Variants in CYTH2 observed in about 807,000 individuals in gnomAD.
CYTH2 encodes cytohesin 2.
Under a neutral mutation model 55.4 loss-of-function variants are expected in CYTH2, and 24 were observed. The ratio of observed to expected loss-of-function variants is 0.43; its 90% CI spans 0.31 to 0.61. CYTH2 has a LOEUF of 0.61. CYTH2 is among the 20% of genes least tolerant of loss of function. CYTH2 has a pLI of 0.08. For synonymous variants in CYTH2, 221 were observed against 209.6 expected (o/e 1.05, Z -0.47); for missense variants, 378 against 533.5 (o/e 0.71, Z 2.87).
Position 48,478,457 on chromosome 19 carries a change from T to A in CYTH2, c.977T>A (p.Ile326Asn), listed in dbSNP as rs777942701. The A allele has an allele frequency of 1.9e-6, 3 of 1,613,934 alleles. No individual in the cohort carries two copies. Among genetic ancestry groups the A allele is most frequent in the Non-Finnish European group, 8.5e-7 (1 of 1,179,960 alleles). ...PRKPNCFELYIPNNKGQLIKA... is the reference protein window; with the variant it reads ...PRKPNCFELYNPNNKGQLIKA... ...CCCCAGAACTGCTTTGAACTTTACATCCCCAACAACAAGGGGCAGCTCATC... is the reference window on the plus strand; with the variant it reads ...CCCCAGAACTGCTTTGAACTTTACAACCCCAACAACAAGGGGCAGCTCATC... The change falls in exon 11 of 12, where the codon ATC becomes AAC. Residue 326 changes from isoleucine to asparagine, a missense_variant. Coordinates refer to ENST00000452733, the MANE Select transcript of CYTH2 (RefSeq NM_004228.7).
At chr19:48,473,123 T>C in intron 4 of CYTH2, 175 bp from the exon 5 acceptor site, 1 of 651,298 alleles carries the variant, frequency 1.5e-6, no homozygotes, top group South Asian at 1.8e-5. Flanking sequence ...GAGTGTGTTC[T>C]GAGCATCCCC....
chr19:48,469,392 A>C lies in CYTH2; in HGVS notation c.-116A>C, dbSNP rs541875542. 4.8e-4 allele frequency: 567 copies of C among 1,179,262 alleles called. 3 individuals carry two copies. The South Asian group carries it at 8.9e-3, about 18-fold the overall frequency. 73.0% of individuals were successfully genotyped at this position (1,179,262 alleles called of 1,614,324 possible). ...TCAGCGCTGAGGACTGGCGCTGAGG[A>C]GGCGGCGGTGGCTCCCGGGGCGTTT... On this transcript the variant is annotated 5_prime_UTR_variant, in exon 1 of 12. Transcript: ENST00000452733.
At chr19:48,472,245 T>C in intron 3 of CYTH2, 80 bp from the exon 4 acceptor site, 1 of 1,291,206 alleles carries the variant, frequency 7.7e-7, no homozygotes, top group Admixed American at 1.7e-5. Flanking sequence ...TGGGGGTAGG[T>C]CTGGATGCTG....
chr19:48,472,712 A>G, intron 4 of CYTH2: 1 of 498,152 alleles, frequency 2.0e-6, no homozygotes. Flanking sequence ...TGAGAAGGGT[A>G]GAGAACATCT....
intron 8 of CYTH2, chr19:48,475,257 G>T: frequency 2.9e-6 from 1 of 343,148 alleles, no homozygotes; most frequent in Non-Finnish European, 5.3e-6. Context: ...TCCTTTCGTG[G>T]GAGAAGAGTT....
Position 48,474,799 on chromosome 19 carries a change from CA to C in CYTH2, c.697-38del. The C allele has an allele frequency of 6.2e-7, 1 of 1,608,232 alleles. No individual in the cohort carries two copies. The highest frequency in any genetic ancestry group is 8.5e-7 in the Non-Finnish European group (1 of 1,175,598). On this transcript the variant is annotated intron_variant, in intron 7 of 11. Transcript: ENST00000452733. This position sits in a 1 kb window ranked among gnomAD's most constrained non-coding sequence, Gnocchi z 4.9. Reference sequence around the variant, plus strand: ...CACCCTGAGTAACCCTGGGGGGCCCCAGGGGGCTCGAATGGCTAATGCAGCC... The same window carrying C: ...CACCCTGAGTAACCCTGGGGGGCCCCGGGGGCTCGAATGGCTAATGCAGCC...
chr19:48,469,902 C>T (rs968085411), intron 1 of CYTH2: 1 of 566,998 alleles, frequency 1.8e-6, no homozygotes, highest in Non-Finnish European at 3.4e-6. Context: ...GATGTCCCGC[C>T]CCACCTTCCC....
intron 4 of CYTH2, chr19:48,473,063 G>C: frequency 3.8e-6 from 2 of 531,272 alleles, no homozygotes; most frequent in Non-Finnish European, 6.8e-6. Context: ...TCTCCCAACT[G>C]TACAAAGGTC....
rs1180784810 is a variant in CYTH2, at chr19:48,470,884, T to G, written c.234+215T>G. ...CCTCCTGACTGTTTTGTCCCCTGCC[T>G]GGAAGGTCGTCTTCCACTTTCTACT... On this transcript the variant is annotated intron_variant, in intron 3 of 11. Transcript: ENST00000452733. Among the ~76,000 whole-genome samples the G allele has an allele frequency of 1.3e-5, 2 of 152,158 alleles. 1 individual carries two copies. Among genetic ancestry groups the G allele is most frequent in the African/African-American group, 4.8e-5 (2 of 41,434 alleles).
At position 48,478,251 on chromosome 19, in the gene CYTH2, G is replaced by A; in HGVS notation, c.886-24G>A. 1.9e-6 allele frequency: 3 copies of A among 1,613,128 alleles called. No homozygotes were observed. The East Asian group carries it at 6.7e-5, about 36-fold the overall frequency. On this transcript the variant is annotated intron_variant, in intron 9 of 11. Coordinates refer to ENST00000452733, the MANE Select transcript of CYTH2 (RefSeq NM_004228.7). ...GTGGGGTGAGGACTTGGAAGTCTGA[G>A]TTCTGTCCACCTTGCTTCTTCAGGA...
chr19:48,479,010 TGGGTCTGAGGGAGGAGGGGCCGG>T, intron 11 of CYTH2, 90 bp from the exon 12 acceptor site: 1 of 1,066,500 alleles, frequency 9.4e-7, no homozygotes. Context: ...CCTGGACTCC[TGGGTCTGAGGGAGGAGGGGCCGG>T]GGGTCTGAGA....
At chr19:48,473,772 T>G (rs1971851232) in intron 5 of CYTH2, 133 bp from the exon 6 acceptor site, 2 of 695,340 alleles carry the variant, frequency 2.9e-6, no homozygotes, top group Non-Finnish European at 4.8e-6. Context: ...CTGGATCATG[T>G]GACCATACCT....
In CYTH2 at chr19:48,479,119, G is replaced by A; in HGVS notation, c.1113-4G>A. 6.2e-7 allele frequency: 1 copy of A among 1,614,006 alleles called. No homozygotes were observed. The highest frequency in any genetic ancestry group is 8.5e-7 in the Non-Finnish European group (1 of 1,179,918). ...CTCATCCTGGGACCCCTCCCCTTCT[G>A]CAGGGCGGCTGTGAGTGTGGACCCC... On this transcript the variant is annotated splice_region_variant and splice_polypyrimidine_tract_variant and intron_variant, in intron 11 of 11. Transcript: ENST00000452733.
Position 48,480,245 on chromosome 19 carries a change from C to CA in CYTH2, c.*1036dup, listed in dbSNP as rs1972022853. On this transcript the variant is annotated 3_prime_UTR_variant, in exon 12 of 12. Coordinates refer to ENST00000452733, the MANE Select transcript of CYTH2 (RefSeq NM_004228.7). ...ATTGGGAGGTCCCATGTCACTCTCCCATGCCCGCCTTTGAAGCTGAGGCGC... is the reference window on the plus strand; with the variant it reads ...ATTGGGAGGTCCCATGTCACTCTCCCAATGCCCGCCTTTGAAGCTGAGGCGC... 6.6e-6 allele frequency: 1 copy of CA among 152,268 alleles called. No homozygotes were observed. The highest frequency in any genetic ancestry group is 1.5e-5 in the Non-Finnish European group (1 of 68,056). The allele number at this position is 152,268 out of a possible 1,614,324, so 9.4% of individuals were successfully genotyped here. A position where few individuals can be genotyped will look rare whatever the true frequency, so the allele number is the denominator to read the frequency against.
intron 8 of CYTH2, chr19:48,477,661 C>T (rs900984161): frequency 5.0e-6 from 1 of 201,644 alleles, no homozygotes; most frequent in African/African-American, 2.3e-5. Context: ...GCTCCATTCT[C>T]CCGCCTTCCC....
At chr19:48,471,165 T>C (rs1168321653) in intron 3 of CYTH2, among the ~76,000 whole-genome samples, 1 of 151,192 alleles carries the variant, frequency 6.6e-6, no homozygotes, top group Non-Finnish European at 1.5e-5. Flanking sequence ...TCACCTACTC[T>C]TTGTGTGTGT....
chr19:48,475,062 C>T (rs1447145182), intron 8 of CYTH2, 113 bp downstream of exon 8: 3 of 894,904 alleles, frequency 3.4e-6, no homozygotes, highest in East Asian at 2.6e-5. Flanking sequence ...AATGATTCGA[C>T]CTCTCTGAAC....
chr19:48,479,459 A>C lies in CYTH2; in HGVS notation c.*249A>C. 4.0e-5 allele frequency: 17 copies of C among 424,970 alleles called. No individual in the cohort carries two copies. The highest frequency in any genetic ancestry group is 1.6e-4 in the South Asian group (5 of 31,288). 26.3% of individuals were successfully genotyped at this position (424,970 alleles called of 1,614,324 possible). On this transcript the variant is annotated 3_prime_UTR_variant, in exon 12 of 12. Transcript: ENST00000452733. ...CCGTGGAGCCAGCCTGTTTCCCTGG[A>C]CAGGGGCCTGGACCCGCCTGTCTCT...
rs370589752 is a variant in CYTH2, at chr19:48,481,496, T to G, written c.*2286T>G. The G allele has an allele frequency of 0.011, 2,041 of 187,022 alleles. 41 individuals are homozygous for G. Among genetic ancestry groups the G allele is most frequent in the African/African-American group, 0.045 (1,870 of 41,476 alleles). The allele number at this position is 187,022 out of a possible 1,614,324, so 11.6% of individuals were successfully genotyped here. ...GCTTCTGATTTTTTTTGTAGGTTTT[T>G]TTTTTTGTTTTTTGTTTTGTTTTGT... On this transcript the variant is annotated 3_prime_UTR_variant, in exon 12 of 12. Coordinates refer to ENST00000452733, the MANE Select transcript of CYTH2 (RefSeq NM_004228.7).
Sources: allele counts gnomAD v4.1 joint callset (sites outside exome capture counted in the v4.1 genomes callset), GRCh38; gene constraint gnomAD v4.1.1; non-coding constraint Gnocchi (gnomAD v3.1); transcripts MANE v1.5; gene names NCBI Gene and HGNC (gene_info 2026-07-23, HGNC 2026-07-21).